Variants in CCL3L3 observed in about 807,000 individuals in gnomAD.
CCL3L3 encodes the protein C-C motif chemokine 3-like 1.
In CCL3L3, 6 loss-of-function variants were observed where a neutral mutation model predicts 9.0. The ratio of observed to expected loss-of-function variants is 0.67; its 90% CI spans 0.37 to 1.32. The LOEUF (loss-of-function observed/expected upper bound fraction) is 1.32. CCL3L3 is among the 40% of genes most tolerant of loss of function. The pLI is 0.02. For synonymous variants in CCL3L3, 38 were observed against 45.7 expected (o/e 0.83, Z 0.68); for missense variants, 93 against 117.0 (o/e 0.79, Z 0.95).
chr17:36,195,029 A>G lies in CCL3L3; in HGVS notation c.*257T>C. 2.2e-6 allele frequency: 1 copy of G among 445,720 alleles called. No individual in the cohort carries two copies. The highest frequency in any genetic ancestry group is 4.2e-6 in the Non-Finnish European group (1 of 239,088). The allele number at this position is 445,720 out of a possible 1,614,324, so 27.6% of individuals were successfully genotyped here. On this transcript the variant is annotated 3_prime_UTR_variant, in exon 3 of 3. Coordinates refer to ENST00000619989, the MANE Select transcript of CCL3L3 (RefSeq NM_001001437.4). ...TTGTCACCAGACACACTGTGAGGGA[A>G]GGTGGAGGGGACAGGGGGAACTCTC...
In CCL3L3 at chr17:36,195,514, C is replaced by T. The variant is rs1209774819; in HGVS notation, c.192-138G>A. 2.9e-5 allele frequency: 36 copies of T among 1,246,720 alleles called. 2 individuals are homozygous for T. The highest frequency in any genetic ancestry group is 1.2e-4 in the Admixed American group (7 of 57,980). The allele number at this position is 1,246,720 out of a possible 1,614,324, so 77.2% of individuals were successfully genotyped here. A position where few individuals can be genotyped will look rare whatever the true frequency, so the allele number is the denominator to read the frequency against. On this transcript the variant is annotated intron_variant, in intron 2 of 2. Coordinates refer to ENST00000619989, the MANE Select transcript of CCL3L3 (RefSeq NM_001001437.4). ...CTCTCAGGGGCCCCCTGCCTATCTCCGTCTAGAGAGCTTCTCTCAGTGACT... is the reference window on the plus strand; with the variant it reads ...CTCTCAGGGGCCCCCTGCCTATCTCTGTCTAGAGAGCTTCTCTCAGTGACT...
At chr17:36,196,443 A>AAGG in intron 1 of CCL3L3, 155 bp downstream of exon 1, 1 of 994,908 alleles carries the variant, frequency 1.0e-6, no homozygotes, top group Non-Finnish European at 1.6e-6. Flanking sequence ...TCTAGAGATA[A>AAGG]AAATAAAAGT....
chr17:36,195,057 A>G lies in CCL3L3; in HGVS notation c.*229T>C. Reference sequence around the variant, plus strand: ...TGGAGGGGACAGGGGGAACTCTCAGAGCAAACAATCACAAACACACTGTGA... The same window carrying G: ...TGGAGGGGACAGGGGGAACTCTCAGGGCAAACAATCACAAACACACTGTGA... On this transcript the variant is annotated 3_prime_UTR_variant, in exon 3 of 3. Coordinates refer to ENST00000619989, the MANE Select transcript of CCL3L3 (RefSeq NM_001001437.4). 1 of 516,460 alleles carries G rather than the reference A, an allele frequency of 1.9e-6. No homozygotes were observed. Among genetic ancestry groups the G allele is most frequent in the South Asian group, 2.8e-5 (1 of 35,848 alleles). 32.0% of individuals were successfully genotyped at this position (516,460 alleles called of 1,614,324 possible). A position where few individuals can be genotyped will look rare whatever the true frequency, so the allele number is the denominator to read the frequency against.
Position 36,195,794 on chromosome 17 carries a change from T to C in CCL3L3, c.191+4A>G. ...TAGAGGTGAGCAGGAAGACTGGCAC[T>C]TACATGACACTGGGCTTGGAGCACT... On this transcript the variant is annotated splice_donor_region_variant and intron_variant, in intron 2 of 2. Transcript: ENST00000619989. 1.3e-6 allele frequency: 2 copies of C among 1,582,880 alleles called. 1 individual carries two copies. The highest frequency in any genetic ancestry group is 1.7e-6 in the Non-Finnish European group (2 of 1,157,588).
rs1445898897 is a variant in CCL3L3 at position 36,195,406 on chromosome 17, T to G, written c.192-30A>C. 8 of 1,577,176 alleles carry G rather than the reference T, an allele frequency of 5.1e-6. No homozygotes were observed. In the East Asian group the frequency reaches 1.6e-4, roughly 31 times the overall value. On this transcript the variant is annotated intron_variant, in intron 2 of 2. Coordinates refer to ENST00000619989, the MANE Select transcript of CCL3L3 (RefSeq NM_001001437.4). ...GGAGAAGGGAGGAAGAGTTAAGCAC[T>G]GGGGAATCCAGCCGGGGAATCCTGG...
Position 36,195,014 on chromosome 17 carries a change from A to G in CCL3L3, c.*272T>C. The G allele has an allele frequency of 2.3e-6, 1 of 432,414 alleles. No individual in the cohort carries two copies. The highest frequency in any genetic ancestry group is 4.3e-6 in the Non-Finnish European group (1 of 230,972). 26.8% of individuals were successfully genotyped at this position (432,414 alleles called of 1,614,324 possible). A position where few individuals can be genotyped will look rare whatever the true frequency, so the allele number is the denominator to read the frequency against. ...ATGACAGCCACTCGGTTGTCACCAG[A>G]CACACTGTGAGGGAAGGTGGAGGGG... On this transcript the variant is annotated 3_prime_UTR_variant, in exon 3 of 3. Coordinates refer to ENST00000619989, the MANE Select transcript of CCL3L3 (RefSeq NM_001001437.4).
At chr17:36,195,520 G>T in intron 2 of CCL3L3, 144 bp from the exon 3 acceptor site, 1 of 1,222,472 alleles carries the variant, frequency 8.2e-7, no homozygotes, top group Non-Finnish European at 1.2e-6. Flanking sequence ...TCTCCGTCTA[G>T]AGAGCTTCTC....
chr17:36,194,937 T>A lies in CCL3L3; in HGVS notation c.*349A>T. ...CACAGCCCTGAACAAAAGCATCTGA[T>A]ACACATTTGTCAGTCTGGTGGCTTT... On this transcript the variant is annotated 3_prime_UTR_variant, in exon 3 of 3. Transcript: ENST00000619989. 3.4e-6 allele frequency: 1 copy of A among 295,918 alleles called. No individual in the cohort carries two copies. The highest frequency in any genetic ancestry group is 4.2e-5 in the East Asian group (1 of 23,686). 18.3% of individuals were successfully genotyped at this position (295,918 alleles called of 1,614,324 possible).
At chr17:36,196,229 A>T in intron 1 of CCL3L3, 1 of 639,928 alleles carries the variant, frequency 1.6e-6, no homozygotes, top group Non-Finnish European at 2.9e-6. Context: ...CTCTCATAAG[A>T]CATCCAAGGG....
chr17:36,195,553 C>A, intron 2 of CCL3L3, 177 bp from the exon 3 acceptor site: 1 of 1,079,212 alleles, frequency 9.3e-7, no homozygotes, highest in East Asian at 2.3e-5. Flanking sequence ...GGCAAGGGGG[C>A]CCTCAGAGTG....
At position 36,196,663 on chromosome 17, in the gene CCL3L3, G is replaced by C; in HGVS notation, c.11C>G (p.Ser4Cys). The C allele has an allele frequency of 1.3e-6, 2 of 1,580,922 alleles. 1 individual carries two copies. Among genetic ancestry groups the C allele is most frequent in the Non-Finnish European group, 1.7e-6 (2 of 1,156,398 alleles). Residue 4 changes from serine (S) to cysteine (C), a missense_variant, in exon 1 of 3, where the codon TCC (serine) becomes TGC (cysteine). By Grantham distance (112) the Ser-to-Cys change is moderately radical. Transcript: ENST00000619989. ...GAGGAGGACGGCAAGGGCAGCAGTG[G>C]AGACCTGCATGATTGGGAGCAGGTG... MQV[S>C]TAALAVLLCT...
chr17:36,196,703 C>G lies in CCL3L3; in HGVS notation c.-30G>C, dbSNP rs1194323741. ...GGGAGCAGGTGATGGAATGTGGGCT[C>G]GAGTGTCAGCAGAGCCAAGAAGGGA... On this transcript the variant is annotated 5_prime_UTR_variant, in exon 1 of 3. Transcript: ENST00000619989. 6.4e-7 allele frequency: 1 copy of G among 1,574,714 alleles called. No individual in the cohort carries two copies. Among genetic ancestry groups the G allele is most frequent in the Admixed American group, 1.7e-5 (1 of 58,920 alleles).
chr17:36,196,678 G>C lies in CCL3L3; in HGVS notation c.-5C>G, dbSNP rs1345585477. 5.6e-5 allele frequency: 89 copies of C among 1,580,390 alleles called. 8 individuals carry two copies. Among genetic ancestry groups the C allele is most frequent in the Non-Finnish European group, 7.4e-5 (85 of 1,156,124 alleles). Reference sequence around the variant, plus strand: ...GGCAGCAGTGGAGACCTGCATGATTGGGAGCAGGTGATGGAATGTGGGCTC... The same window carrying C: ...GGCAGCAGTGGAGACCTGCATGATTCGGAGCAGGTGATGGAATGTGGGCTC... On this transcript the variant is annotated 5_prime_UTR_variant, in exon 1 of 3. Transcript: ENST00000619989.
rs1416616482 is a variant in CCL3L3 at position 36,196,751 on chromosome 17, G to A, written c.-78C>T. On this transcript the variant is annotated 5_prime_UTR_variant, in exon 1 of 3. In the 5' UTR this introduces an upstream ATG that the reference lacks. Coordinates refer to ENST00000619989, the MANE Select transcript of CCL3L3 (RefSeq NM_001001437.4). ...GGACTGACTACTCTTTGCTGCCTGC[G>A]TCCTTCTGATGTCTGAAGCCATCTC... 21 of 1,470,754 alleles carry A rather than the reference G, an allele frequency of 1.4e-5. No individual in the cohort carries two copies. The highest frequency in any genetic ancestry group is 8.1e-5 in the African/African-American group (6 of 74,416). 91.1% of individuals were successfully genotyped at this position (1,470,754 alleles called of 1,614,324 possible). A position where few individuals can be genotyped will look rare whatever the true frequency, so the allele number is the denominator to read the frequency against.
In CCL3L3 at chr17:36,196,706, G is replaced by A. The variant is rs747218986; in HGVS notation, c.-33C>T. ...AGCAGGTGATGGAATGTGGGCTCGA[G>A]TGTCAGCAGAGCCAAGAAGGGACTG... is the stretch of plus-strand genomic sequence containing the variant. On this transcript the variant is annotated 5_prime_UTR_variant, in exon 1 of 3. Coordinates refer to ENST00000619989, the MANE Select transcript of CCL3L3 (RefSeq NM_001001437.4). 6 of 1,571,936 alleles carry A rather than the reference G, an allele frequency of 3.8e-6. No homozygotes were observed. In the East Asian group the frequency reaches 1.3e-4, roughly 35 times the overall value.
intron 2 of CCL3L3, 192 bp downstream of exon 2, chr17:36,195,606 G>A: frequency 9.7e-7 from 1 of 1,035,520 alleles, no homozygotes; most frequent in East Asian, 2.4e-5. Flanking sequence ...CTGGCCTGGG[G>A]CAGCCCTTCC....
intron 1 of CCL3L3, chr17:36,196,248 C>G (rs2068620084): frequency 4.7e-6 from 3 of 641,840 alleles, no homozygotes; most frequent in Admixed American, 4.2e-5. Context: ...GGACAGGGCT[C>G]CTGGGAGACC....
intron 2 of CCL3L3, 70 bp from the exon 3 acceptor site, chr17:36,195,446 T>C (rs1274398872): frequency 4.6e-6 from 7 of 1,531,078 alleles, no homozygotes; most frequent in Non-Finnish European, 2.7e-6. Flanking sequence ...ACCATGGCCC[T>C]GACATCCTGC....
chr17:36,195,355 C>T lies in CCL3L3; in HGVS notation c.213G>A (p.Arg71=). 1 of 1,582,780 alleles carries T rather than the reference C, an allele frequency of 6.3e-7. No homozygotes were observed. The highest frequency in any genetic ancestry group is 8.6e-7 in the Non-Finnish European group (1 of 1,157,712). Residue 71 remains arginine (R), a synonymous_variant, in exon 3 of 3, where the codon CGG becomes CGA. Coordinates refer to ENST00000619989, the MANE Select transcript of CCL3L3 (RefSeq NM_001001437.4). ...PSVIFLTKRG[R]QVCADPSEEW... ...CCTCACTGGGGTCAGCACAGACCTG[C>T]CGGCCTCTCTTGGTTAGGAAGCTGT...
Sources: gnomAD v4.1 joint callset for allele counts on GRCh38, gnomAD v4.1.1 for gene constraint, MANE v1.5 for transcripts, NCBI Gene and HGNC (gene_info 2026-07-23, HGNC 2026-07-21) for gene names.